The following TAF2 variants were observed in gnomAD, a reference collection of about 807,000 sequenced individuals.
TAF2 encodes transcription initiation factor TFIID subunit 2.
In TAF2, 61 loss-of-function variants were observed where a neutral mutation model predicts 138.5. The ratio of observed to expected loss-of-function variants is 0.44; its 90% confidence interval spans 0.36 to 0.54. The LOEUF is 0.54. Among genes scored for constraint, TAF2 ranks in the 20% least tolerant of loss-of-function variants. TAF2 has a pLI of 0.00. For missense variants in TAF2, 1,090 were observed against 1,427.9 expected, an observed-to-expected ratio of 0.76 and a Z score of 3.81; for synonymous variants, 475 against 469.9, an observed-to-expected ratio of 1.01 and a Z score of -0.14.
intron 25 of TAF2, among the ~76,000 whole-genome samples, chr8:119,741,364 CTTT>C (rs764084039): frequency 1.3e-5 from 2 of 151,864 alleles, no homozygotes; most frequent in African/African-American, 2.4e-5. Flanking sequence ...ATTCTCTAAG[CTTT>C]ATAATTTTTA....
At position 119,731,113 on chromosome 8, in the gene TAF2, T is replaced by C. The variant is rs1394368916; in HGVS notation, c.*811A>G. On this transcript the variant is annotated 3_prime_UTR_variant, in exon 26 of 26. Transcript: ENST00000378164. ...TAGAAATAATTTTGGAAACAGTATGTGTTGGGTGTGTAAATTGTCCACATT... is the reference window on the plus strand; with the variant it reads ...TAGAAATAATTTTGGAAACAGTATGCGTTGGGTGTGTAAATTGTCCACATT... 2.6e-5 allele frequency: 4 copies of C among 152,322 alleles called. No homozygotes were observed. In the East Asian group the frequency reaches 7.7e-4, roughly 29 times the overall value. 9.4% of individuals were successfully genotyped at this position (152,322 alleles called of 1,614,324 possible).
intron 15 of TAF2, 152 bp from the exon 16 acceptor site, chr8:119,783,785 C>G: frequency 1.1e-6 from 1 of 888,546 alleles, no homozygotes. Flanking sequence ...TTTTTTTAAA[C>G]TGCACTGACA....
chr8:119,793,261 G>C (rs1823568447), intron 10 of TAF2, 105 bp downstream of exon 10: 9 of 966,378 alleles, frequency 9.3e-6, no homozygotes, highest in Non-Finnish European at 1.4e-5. Flanking sequence ...TAAGAAAAAG[G>C]TTAAATAAAT....
chr8:119,746,979 T>C, intron 22 of TAF2, 45 bp from the exon 23 acceptor site: 1 of 1,585,494 alleles, frequency 6.3e-7, no homozygotes, highest in Middle Eastern at 1.7e-4. Context: ...GCACATTGAT[T>C]CATACATTTT....
intron 20 of TAF2, among the ~76,000 whole-genome samples, chr8:119,759,562 T>C (rs1327745899): frequency 2.6e-5 from 4 of 152,158 alleles, no homozygotes; most frequent in Non-Finnish European, 5.9e-5. Flanking sequence ...TATTTTCATA[T>C]TTTTTAAAAA....
At chr8:119,739,806 T>C (rs1819477159) in intron 25 of TAF2, among the ~76,000 whole-genome samples, 1 of 150,850 alleles carries the variant, frequency 6.6e-6, no homozygotes, top group Admixed American at 6.6e-5. Context: ...AAAAAGCCTC[T>C]CACACTTTTT....
chr8:119,765,808 G>A (rs189067293), intron 18 of TAF2, among the ~76,000 whole-genome samples: 2 of 152,222 alleles, frequency 1.3e-5, no homozygotes, highest in East Asian at 3.9e-4. Flanking sequence ...ATAACTGTCG[G>A]GATTCCTCTA....
intron 2 of TAF2, among the ~76,000 whole-genome samples, chr8:119,829,410 G>A (rs1203279871): frequency 1.3e-5 from 2 of 151,984 alleles, no homozygotes; most frequent in Non-Finnish European, 2.9e-5. Context: ...TGTTGTTTCA[G>A]GCCTAGACAA....
Position 119,746,744 on chromosome 8 carries a change from A to C in TAF2, c.3069T>G (p.Asn1023Lys), listed in dbSNP as rs777642723. 1 of 1,614,120 alleles carries C rather than the reference A, an allele frequency of 6.2e-7. No homozygotes were observed. Among genetic ancestry groups the C allele is most frequent in the Non-Finnish European group, 8.5e-7 (1 of 1,180,008 alleles). The stretch of plus-strand genomic sequence containing the variant: ...CAACTAGCTGTGGGTGACTGCTTGG[A>C]TTATTTGCAGCTTCTTGGTTGCCTG... Reference protein sequence around the residue: ...SVAGNQEAANNPSSHPQLVGF... With the variant: ...SVAGNQEAANKPSSHPQLVGF... Residue 1023 changes from asparagine to lysine, a missense_variant, in exon 23 of 26, where the codon AAT (asparagine) becomes AAG (lysine). Coordinates refer to ENST00000378164, the MANE Select transcript of TAF2 (RefSeq NM_003184.4).
At position 119,746,985 on chromosome 8, in the gene TAF2, AT is replaced by A; in HGVS notation, c.2879-52del. On this transcript the variant is annotated intron_variant, in intron 22 of 25. Transcript: ENST00000378164. ...AGTCAATATGCACATTGATTCATAC[AT>A]TTTAACTGTCCCAGAACCTGAACAA... 3 of 1,559,532 alleles carry A rather than the reference AT, an allele frequency of 1.9e-6. No individual in the cohort carries two copies. The Middle Eastern group carries it at 5.0e-4, about 261-fold the overall frequency.
At chr8:119,739,251 A>G (rs1819437840) in intron 25 of TAF2, among the ~76,000 whole-genome samples, 1 of 152,194 alleles carries the variant, frequency 6.6e-6, no homozygotes, top group African/African-American at 2.4e-5. Flanking sequence ...CAAGCTCTGC[A>G]GTAACAGACA....
chr8:119,803,722 T>A (rs981714808), intron 5 of TAF2, among the ~76,000 whole-genome samples, 156 bp downstream of exon 5: 19 of 151,922 alleles, frequency 1.3e-4, no homozygotes, highest in Non-Finnish European at 1.3e-4. Flanking sequence ...AATTTTTTTT[T>A]AAGAGGAATG....
At chr8:119,770,102 G>A (rs371667870) in intron 18 of TAF2, among the ~76,000 whole-genome samples, 1 of 150,668 alleles carries the variant, frequency 6.6e-6, no homozygotes, top group Non-Finnish European at 1.5e-5. Context: ...AAGAAATATG[G>A]AATACATAAA....
chr8:119,826,532 C>T (rs1826110792), intron 2 of TAF2, among the ~76,000 whole-genome samples: 1 of 151,776 alleles, frequency 6.6e-6, no homozygotes, highest in Non-Finnish European at 1.5e-5. Context: ...ACCAAGATTA[C>T]TTTCAGTTTT....
chr8:119,742,866 G>A (rs993953739), intron 24 of TAF2, among the ~76,000 whole-genome samples: 5 of 151,956 alleles, frequency 3.3e-5, no homozygotes, highest in African/African-American at 7.3e-5. Context: ...AGGATCGCTT[G>A]ATGCCAGGAG....
At chr8:119,807,230 G>A (rs983975691) in intron 3 of TAF2, among the ~76,000 whole-genome samples, 1 of 152,128 alleles carries the variant, frequency 6.6e-6, no homozygotes, top group Non-Finnish European at 1.5e-5. Flanking sequence ...CAGGCTCACC[G>A]TTATATTCAC....
rs750185590 is a variant in TAF2 at position 119,783,521 on chromosome 8, C to G, written c.1972G>C (p.Asp658His). The change falls in exon 16 of 26, where the codon GAT becomes CAT. Residue 658 changes from aspartate (D) to histidine (H), a missense_variant. By Grantham distance (81) the Asp-to-His change is moderately conservative. Coordinates refer to ENST00000378164, the MANE Select transcript of TAF2 (RefSeq NM_003184.4). ...MWQYQLRYER[D>H]VVAQQESILA... The stretch of plus-strand genomic sequence containing the variant: ...ATGGATTCCTGCTGTGCAACAACAT[C>G]TCTCTCATAGCGGAGCTGATACTGC... 1 of 1,614,144 alleles carries G rather than the reference C, an allele frequency of 6.2e-7. No homozygotes were observed. Among genetic ancestry groups the G allele is most frequent in the South Asian group, 1.1e-5 (1 of 91,078 alleles).
intron 17 of TAF2, among the ~76,000 whole-genome samples, chr8:119,779,249 G>GACACAC (rs10636618): frequency 0.26 from 38,737 of 147,138 alleles, 6,012 homozygotes; most frequent in Admixed American, 0.41. Flanking sequence ...CACAACCTAA[G>GACACAC]ACACACACAC....
rs752922258 is a variant in TAF2 at position 119,801,877 on chromosome 8, T to C, written c.709A>G (p.Met237Val). The C allele has an allele frequency of 1.5e-5, 25 of 1,614,186 alleles. No homozygotes were observed. Among genetic ancestry groups the C allele is most frequent in the South Asian group, 9.9e-5 (9 of 91,082 alleles). ...HDMRKKTFHYMLTIPTAASNI... is the reference protein window; with the variant it reads ...HDMRKKTFHYVLTIPTAASNI... ...GACGCTGCTGTAGGAATGGTAAGCA[T>C]ATAATGGAAAGTTTTCTTCCTCATA... Residue 237 changes from methionine (M) to valine (V), a missense_variant, in exon 6 of 26, where the codon ATG becomes GTG. Physicochemically the swap from Met to Val is conservative, Grantham distance 21. Coordinates refer to ENST00000378164, the MANE Select transcript of TAF2 (RefSeq NM_003184.4).
Sources: allele counts gnomAD v4.1 joint callset (sites outside exome capture counted in the v4.1 genomes callset), GRCh38; gene constraint gnomAD v4.1.1; transcripts MANE v1.5; gene names NCBI Gene and HGNC (gene_info 2026-07-23, HGNC 2026-07-21).